The following NCAM2 variants were observed in gnomAD, a reference collection of about 807,000 sequenced individuals.
NCAM2 encodes neural cell adhesion molecule 2.
Under a neutral mutation model 98.1 loss-of-function variants are expected in NCAM2, and 30 were observed. The ratio of observed to expected loss-of-function variants is 0.31; its 90% CI spans 0.23 to 0.41. The LOEUF (loss-of-function observed/expected upper bound fraction) is 0.41. Ranked by LOEUF, NCAM2 falls within the 10% of genes least tolerant of loss-of-function variation. The probability of loss-of-function intolerance (pLI) is 1.00; values close to 1 mark genes in which losing one functional copy is unlikely to be tolerated. For synonymous variants in NCAM2, 368 were observed against 342.4 expected, an observed-to-expected ratio of 1.07 and a Z score of -0.83; for missense variants, 867 against 1,005.8, an observed-to-expected ratio of 0.86 and a Z score of 1.87.
intron 1 of NCAM2, among the ~76,000 whole-genome samples, chr21:21,066,689 T>G (rs997157104): frequency 1.3e-5 from 2 of 152,112 alleles, no homozygotes; most frequent in African/African-American, 4.8e-5. Flanking sequence ...TACTTTAAAA[T>G]CCAAAGGAAA....
intron 8 of NCAM2, among the ~76,000 whole-genome samples, chr21:21,352,281 G>GT (rs1568968047): frequency 6.6e-6 from 1 of 150,892 alleles, no homozygotes; most frequent in African/African-American, 2.4e-5. Context: ...GTTGTTGTTG[G>GT]TGGTGGTGGT....
At chr21:21,390,061 G>C (rs1165928579) in intron 9 of NCAM2, among the ~76,000 whole-genome samples, 1 of 152,104 alleles carries the variant, frequency 6.6e-6, no homozygotes, top group Non-Finnish European at 1.5e-5. Flanking sequence ...TGTTGACCAG[G>C]ATGGTCTCTA....
intron 1 of NCAM2, among the ~76,000 whole-genome samples, chr21:21,140,121 G>T (rs2067136577): frequency 6.6e-6 from 1 of 152,094 alleles, no homozygotes. Flanking sequence ...TTTAGAAAGT[G>T]ATTAAAATAA....
At chr21:21,486,539 A>T (rs1243541820) in intron 15 of NCAM2, among the ~76,000 whole-genome samples, 1 of 152,168 alleles carries the variant, frequency 6.6e-6, no homozygotes, top group Non-Finnish European at 1.5e-5. Context: ...AGGCGTTGAT[A>T]AAAAGATTTC....
chr21:21,132,126 TC>T (rs1363695561), intron 1 of NCAM2, among the ~76,000 whole-genome samples: 1 of 152,188 alleles, frequency 6.6e-6, no homozygotes, highest in Non-Finnish European at 1.5e-5. Flanking sequence ...CATGGCCTCT[TC>T]TTCCATCTTC....
At chr21:21,529,624 T>C (rs1458037374) in intron 16 of NCAM2, among the ~76,000 whole-genome samples, 1 of 152,004 alleles carries the variant, frequency 6.6e-6, no homozygotes, top group Non-Finnish European at 1.5e-5. Context: ...ATTAATTGCA[T>C]GAAATCCTTA....
intron 11 of NCAM2, among the ~76,000 whole-genome samples, chr21:21,427,102 T>A (rs1328796505): frequency 6.6e-6 from 1 of 152,170 alleles, no homozygotes; most frequent in East Asian, 1.9e-4. Flanking sequence ...GAACTATGCG[T>A]GCTGGGAGAG....
At chr21:21,122,514 T>C (rs2066696426) in intron 1 of NCAM2, among the ~76,000 whole-genome samples, 1 of 152,220 alleles carries the variant, frequency 6.6e-6, no homozygotes, top group African/African-American at 2.4e-5. Context: ...AACAACTATT[T>C]ATTATTTCTC....
At chr21:21,200,678 A>T (rs1300216511) in intron 1 of NCAM2, among the ~76,000 whole-genome samples, 1 of 150,008 alleles carries the variant, frequency 6.7e-6, no homozygotes, top group African/African-American at 2.4e-5. Context: ...ACAGGAAATT[A>T]TTTGACTCAA....
At chr21:21,272,896 A>C (rs1487401725) in intron 1 of NCAM2, among the ~76,000 whole-genome samples, 2 of 148,014 alleles carry the variant, frequency 1.4e-5, no homozygotes, top group African/African-American at 2.5e-5. Flanking sequence ...ATTAGCAAAT[A>C]TGTTTCCAGA....
intron 12 of NCAM2, among the ~76,000 whole-genome samples, chr21:21,461,333 C>T (rs1982946934): frequency 6.6e-6 from 1 of 151,692 alleles, no homozygotes; most frequent in Admixed American, 6.6e-5. Context: ...AATAGGAAGC[C>T]ATCTGATTTT....
chr21:21,433,492 C>A (rs1448666944), intron 12 of NCAM2, among the ~76,000 whole-genome samples: 3 of 151,848 alleles, frequency 2.0e-5, no homozygotes, highest in African/African-American at 7.3e-5. Flanking sequence ...GTAATCCCAG[C>A]ACTTTTGGAG....
chr21:21,303,968 CTTA>C (rs912354256), intron 5 of NCAM2, among the ~76,000 whole-genome samples: 5 of 152,012 alleles, frequency 3.3e-5, no homozygotes, highest in Non-Finnish European at 7.4e-5. Flanking sequence ...GGGCTGTTTT[CTTA>C]TTATTGAGTT....
chr21:21,382,819 T>G (rs543261490), intron 9 of NCAM2, among the ~76,000 whole-genome samples: 2 of 152,198 alleles, frequency 1.3e-5, no homozygotes, highest in African/African-American at 2.4e-5. Flanking sequence ...CGGGAGCCAC[T>G]GCGACTGGCC....
At chr21:21,510,190 T>G (rs1402904960) in intron 16 of NCAM2, among the ~76,000 whole-genome samples, 1 of 152,186 alleles carries the variant, frequency 6.6e-6, no homozygotes, top group Non-Finnish European at 1.5e-5. Flanking sequence ...GGTGTTTACA[T>G]TTATGTAAGT....
intron 1 of NCAM2, among the ~76,000 whole-genome samples, chr21:21,100,386 C>G (rs866806087): frequency 2.6e-5 from 4 of 151,792 alleles, no homozygotes; most frequent in African/African-American, 9.7e-5. Flanking sequence ...AGTGACCCCC[C>G]AAAAGCCAAG....
chr21:21,051,397 A>G (rs1280863950), intron 1 of NCAM2, among the ~76,000 whole-genome samples: 1 of 152,202 alleles, frequency 6.6e-6, no homozygotes, highest in East Asian at 1.9e-4. Flanking sequence ...AAGCTAAACC[A>G]GCTCAGTTTG....
At chr21:21,166,747 C>A (rs953012110) in intron 1 of NCAM2, among the ~76,000 whole-genome samples, 1 of 152,118 alleles carries the variant, frequency 6.6e-6, no homozygotes, top group East Asian at 1.9e-4. Flanking sequence ...CACATTGTTA[C>A]GCAGAATGAT....
chr21:21,368,006 C>A (rs1218022809), intron 8 of NCAM2, among the ~76,000 whole-genome samples: 1 of 151,812 alleles, frequency 6.6e-6, no homozygotes, highest in African/African-American at 2.4e-5. Flanking sequence ...AGTCTCTAGT[C>A]TCATGTTTTA....
Sources: gnomAD v4.1 joint callset for allele counts (sites outside exome capture counted in the v4.1 genomes callset) on GRCh38, gnomAD v4.1.1 for gene constraint, MANE v1.5 for transcripts, NCBI Gene and HGNC (gene_info 2026-07-23, HGNC 2026-07-21) for gene names.